The following IQCM variants were observed in gnomAD, a reference collection of about 807,000 sequenced individuals.
IQCM encodes the protein IQ domain-containing protein M.
A neutral mutation model predicts 57.6 loss-of-function variants in IQCM; 45 were observed. The ratio of observed to expected loss-of-function variants is 0.78; its 90% confidence interval spans 0.62 to 1.00. The LOEUF is 1.00. IQCM is among the 50% of genes least tolerant of loss of function. The pLI, the probability that IQCM is intolerant of heterozygous loss-of-function variation, is 0.00. For synonymous variants in IQCM, 148 were observed against 158.9 expected (o/e 0.93, Z 0.51); for missense variants, 468 against 511.6 (o/e 0.91, Z 0.82).
intron 2 of IQCM, among the ~76,000 whole-genome samples, chr4:149,783,947 A>C (rs1367870912): frequency 6.6e-6 from 1 of 152,176 alleles, no homozygotes; most frequent in African/African-American, 2.4e-5. Context: ...AAGTGGATTC[A>C]TCCTCAGTCA....
intron 13 of IQCM, among the ~76,000 whole-genome samples, chr4:149,394,800 T>G (rs1732113419): frequency 6.6e-6 from 1 of 152,062 alleles, no homozygotes. Context: ...ACTATAGTTT[T>G]GTATATCTAA....
At chr4:149,570,085 T>C (rs1751016196) in intron 9 of IQCM, among the ~76,000 whole-genome samples, 1 of 151,952 alleles carries the variant, frequency 6.6e-6, no homozygotes, top group African/African-American at 2.4e-5. Context: ...AGTTAATAAA[T>C]CATTGTGAAT....
intron 10 of IQCM, among the ~76,000 whole-genome samples, chr4:149,558,307 G>A (rs552580635): frequency 6.6e-6 from 1 of 152,178 alleles, no homozygotes; most frequent in African/African-American, 2.4e-5. Flanking sequence ...CCTTGGTCAG[G>A]GACCTGCATC....
rs182651844 is a variant in IQCM at position 149,666,849 on chromosome 4, A to G, written c.565+15269T>C. 1.1e-3 allele frequency among the ~76,000 whole-genome samples: 170 copies of G among 152,192 alleles called. 1 individual carries two copies. Among genetic ancestry groups the G allele is most frequent in the African/African-American group, 2.6e-3 (108 of 41,540 alleles). On this transcript the variant is annotated intron_variant, in intron 7 of 13. Transcript: ENST00000636793. ...GGTGGAGGCCACCACAGCACCACAA[A>G]GCCACTGTAGCCAGACTGCCTCTCT...
chr4:149,632,115 C>A (rs1757317589), intron 7 of IQCM, among the ~76,000 whole-genome samples: 1 of 152,158 alleles, frequency 6.6e-6, no homozygotes, highest in Admixed American at 6.5e-5. Flanking sequence ...GGTTGATAAT[C>A]CCAGCATTGG....
At chr4:149,515,532 G>A (rs1744866077) in intron 12 of IQCM, among the ~76,000 whole-genome samples, 1 of 152,190 alleles carries the variant, frequency 6.6e-6, no homozygotes, top group Non-Finnish European at 1.5e-5. Context: ...AGCTGACAGA[G>A]GAAGAGAAGA....
chr4:149,685,408 T>C (rs1164914130), intron 6 of IQCM, among the ~76,000 whole-genome samples: 2 of 151,536 alleles, frequency 1.3e-5, no homozygotes, highest in Non-Finnish European at 3.0e-5. Context: ...TCTTTTCCTT[T>C]GTAATTAATA....
chr4:149,692,490 A>G (rs1322742022), intron 5 of IQCM, among the ~76,000 whole-genome samples: 6 of 152,160 alleles, frequency 3.9e-5, no homozygotes, highest in Admixed American at 1.3e-4. Flanking sequence ...AGATATGTCT[A>G]TTTTAGAGAA....
At chr4:149,784,053 T>A (rs1297346817) in intron 2 of IQCM, among the ~76,000 whole-genome samples, 1 of 152,208 alleles carries the variant, frequency 6.6e-6, no homozygotes. Context: ...CCAGCGTCCT[T>A]ACCCATAGAA....
At chr4:149,744,000 A>G (rs1245943494) in intron 2 of IQCM, among the ~76,000 whole-genome samples, 1 of 152,230 alleles carries the variant, frequency 6.6e-6, no homozygotes, top group African/African-American at 2.4e-5. Context: ...CTATGAGTTC[A>G]GAATTCAAAA....
rs1201508959 is a variant in IQCM at position 149,364,879 on chromosome 4, G to A, written c.1391-12813C>T. Among the ~76,000 whole-genome samples, 3 of 152,176 alleles carry A rather than the reference G, an allele frequency of 2.0e-5. No homozygotes were observed. In the East Asian group the frequency reaches 5.8e-4, roughly 29 times the overall value. On this transcript the variant is annotated intron_variant, in intron 13 of 13. Coordinates refer to ENST00000636793, the MANE Select transcript of IQCM (RefSeq NM_001363507.2). ...ATTTCAACTCAATCAAGGGCAAGGG[G>A]TGGAAAGGAGCTAACCTAAGTAACT...
intron 13 of IQCM, among the ~76,000 whole-genome samples, chr4:149,394,540 T>C (rs553596013): frequency 5.9e-5 from 9 of 152,138 alleles, no homozygotes; most frequent in African/African-American, 2.2e-4. Flanking sequence ...CACACCTGCC[T>C]ATGGAGAGAG....
At chr4:149,773,676 GT>G (rs1244206942) in intron 2 of IQCM, among the ~76,000 whole-genome samples, 1 of 152,190 alleles carries the variant, frequency 6.6e-6, no homozygotes, top group East Asian at 1.9e-4. Context: ...CCACTTCACT[GT>G]TCATTAGCAC....
chr4:149,385,588 C>G (rs1439633257), intron 13 of IQCM, among the ~76,000 whole-genome samples: 2 of 152,070 alleles, frequency 1.3e-5, no homozygotes, highest in Non-Finnish European at 2.9e-5. Context: ...AACTGATTTA[C>G]TTGACAAATC....
chr4:149,730,925 C>T (rs985285040), intron 5 of IQCM, among the ~76,000 whole-genome samples: 210 of 152,290 alleles, frequency 1.4e-3, no homozygotes, highest in African/African-American at 4.7e-3. Flanking sequence ...AATGCATGAG[C>T]CCCACAATTT....
At chr4:149,354,380 A>AAAAAAAAAAAC (rs1728805238) in intron 13 of IQCM, among the ~76,000 whole-genome samples, 2 of 131,348 alleles carry the variant, frequency 1.5e-5, no homozygotes, top group Admixed American at 7.6e-5. Context: ...AAAAAAAAAA[A>AAAAAAAAAAAC]AAAAAAAAAC....
intron 13 of IQCM, among the ~76,000 whole-genome samples, chr4:149,425,781 A>T (rs1296876971): frequency 6.6e-6 from 1 of 151,986 alleles, no homozygotes; most frequent in African/African-American, 2.4e-5. Flanking sequence ...CACAACAATT[A>T]TATTAAGATA....
In IQCM at chr4:149,506,992, T is replaced by C. The variant is rs558520982; in HGVS notation, c.1228+41463A>G. Among the ~76,000 whole-genome samples the C allele has an allele frequency of 9.2e-4, 140 of 152,280 alleles. 1 individual carries two copies. Among genetic ancestry groups the C allele is most frequent in the Non-Finnish European group, 3.7e-4 (25 of 68,006 alleles). ...ATTCCCACATGTAGTGGAAGGGACC[T>C]GGGGGCAGGTCTTTCCTATGCTGTT... On this transcript the variant is annotated intron_variant, in intron 12 of 13. Coordinates refer to ENST00000636793, the MANE Select transcript of IQCM (RefSeq NM_001363507.2).
Position 149,475,744 on chromosome 4 carries a change from A to T in IQCM, c.1229-42187T>A, listed in dbSNP as rs139650073. 3.0e-3 allele frequency among the ~76,000 whole-genome samples: 459 copies of T among 152,260 alleles called. 15 individuals carry two copies. In the East Asian group the frequency reaches 0.075, roughly 25 times the overall value. ...CTTTGAATAACAACAAAATTAAAAAAATATATATCAAAGGGAAGGGAACGA... is the reference window on the plus strand; with the variant it reads ...CTTTGAATAACAACAAAATTAAAAATATATATATCAAAGGGAAGGGAACGA... On this transcript the variant is annotated intron_variant, in intron 12 of 13. Transcript: ENST00000636793.
Sources: allele counts gnomAD v4.1 joint callset (sites outside exome capture counted in the v4.1 genomes callset), GRCh38; gene constraint gnomAD v4.1.1; transcripts MANE v1.5; gene names NCBI Gene and HGNC (gene_info 2026-07-23, HGNC 2026-07-21).